The following TANC2 variants were observed in gnomAD, a reference collection of about 807,000 sequenced individuals.
TANC2 encodes the protein protein TANC2.
A neutral mutation model predicts 210.5 loss-of-function variants in TANC2; 26 were observed. The ratio of observed to expected loss-of-function variants is 0.12; its 90% CI spans 0.09 to 0.17. The LOEUF (loss-of-function observed/expected upper bound fraction) is 0.17. Ranked by LOEUF, TANC2 falls within the 10% of genes least tolerant of loss-of-function variation. TANC2 has a pLI of 1.00. For synonymous variants in TANC2, 931 were observed against 967.1 expected, an observed-to-expected ratio of 0.96 and a Z score of 0.69; for missense variants, 2,129 against 2,608.9, an observed-to-expected ratio of 0.82 and a Z score of 4.01.
chr17:63,305,532 T>C (rs2044873499), intron 9 of TANC2: 1 of 152,330 alleles, frequency 6.6e-6, no homozygotes, highest in South Asian at 2.1e-4. Context: ...CCCGCTATGA[T>C]TTCCCTTTTT....
rs1035567019 is a variant in TANC2 at position 63,418,638 on chromosome 17, A to G, written c.4268+231A>G. 1.3e-5 allele frequency among the ~76,000 whole-genome samples: 2 copies of G among 152,234 alleles called. No individual in the cohort carries two copies. The highest frequency in any genetic ancestry group is 2.9e-5 in the Non-Finnish European group (2 of 68,044). On this transcript the variant is annotated intron_variant, in intron 27 of 27. Coordinates refer to ENST00000689528, the Ensembl canonical transcript of TANC2. The surrounding 1 kb of genome is among the most constrained non-coding windows in gnomAD (Gnocchi z 4.6). The stretch of plus-strand genomic sequence containing the variant: ...CACTTCGGGAGAAAAACACTTTTTC[A>G]CTGGAGAATGGCAGCTTCTTCCAAG...
At chr17:63,025,884 G>C (rs1176655883) in intron 2 of TANC2, among the ~76,000 whole-genome samples, 3 of 150,458 alleles carry the variant, frequency 2.0e-5, no homozygotes, top group Non-Finnish European at 4.4e-5. Context: ...ACATGAGTTG[G>C]TTAGGTACCT....
At chr17:63,288,460 C>T (rs1284173107) in intron 9 of TANC2, among the ~76,000 whole-genome samples, 1 of 152,184 alleles carries the variant, frequency 6.6e-6, no homozygotes, top group African/African-American at 2.4e-5. Flanking sequence ...TTGGTAAATA[C>T]TCCGTGTGAA....
At chr17:63,378,281 G>A (rs78829760) in intron 14 of TANC2, among the ~76,000 whole-genome samples, 2,965 of 152,012 alleles carry the variant, frequency 0.02, 87 homozygotes, top group African/African-American at 0.066. Flanking sequence ...AAGTAATTCA[G>A]ATTTCTTTCG....
intron 8 of TANC2, among the ~76,000 whole-genome samples, chr17:63,248,695 T>A (rs1341176980): frequency 6.6e-6 from 1 of 152,108 alleles, no homozygotes. Context: ...TTTAGGGGAT[T>A]ATTTAAAATC....
chr17:63,225,328 C>A (rs772303388), intron 7 of TANC2, among the ~76,000 whole-genome samples: 5 of 152,232 alleles, frequency 3.3e-5, no homozygotes, highest in African/African-American at 1.2e-4. Flanking sequence ...CTTTCTTAGA[C>A]TCCTTTGCAG....
chr17:63,220,629 G>A (rs554847290), intron 7 of TANC2, among the ~76,000 whole-genome samples: 22 of 149,098 alleles, frequency 1.5e-4, no homozygotes, highest in East Asian at 4.0e-4. Context: ...GCTTCAACCC[G>A]TGAGGCGGAG....
intron 3 of TANC2, among the ~76,000 whole-genome samples, chr17:63,093,464 C>T (rs1056871377): frequency 6.6e-6 from 1 of 151,998 alleles, no homozygotes; most frequent in African/African-American, 2.4e-5. Flanking sequence ...CTGTTTCATT[C>T]ATTTTGTGTC....
intron 2 of TANC2, among the ~76,000 whole-genome samples, chr17:63,023,273 C>A (rs1428506766): frequency 6.6e-6 from 1 of 152,210 alleles, no homozygotes; most frequent in Non-Finnish European, 1.5e-5. Context: ...TGCCTGAGGC[C>A]TTGGGAGCTC....
chr17:63,013,484 A>G (rs2033965561), intron 2 of TANC2, among the ~76,000 whole-genome samples: 1 of 151,984 alleles, frequency 6.6e-6, no homozygotes, highest in Non-Finnish European at 1.5e-5. Flanking sequence ...ATTCTGGCCA[A>G]GTGTGGCAGT....
intron 4 of TANC2, among the ~76,000 whole-genome samples, chr17:63,142,945 G>A (rs920067748): frequency 4.6e-5 from 7 of 152,056 alleles, no homozygotes; most frequent in Non-Finnish European, 1.0e-4. Flanking sequence ...GCTTTCTCCT[G>A]TTTGTATCAT....
At chr17:63,036,694 G>A (rs2034986038) in intron 2 of TANC2, among the ~76,000 whole-genome samples, 1 of 152,124 alleles carries the variant, frequency 6.6e-6, no homozygotes, top group Non-Finnish European at 1.5e-5. Context: ...GATCAACTGG[G>A]ATAGAACATT....
chr17:63,365,231 C>T (rs1476636046), intron 14 of TANC2, among the ~76,000 whole-genome samples: 3 of 152,134 alleles, frequency 2.0e-5, no homozygotes, highest in Non-Finnish European at 2.9e-5. Flanking sequence ...CTTTCAAAAG[C>T]GGGTAGATCT....
chr17:63,122,872 GAAAGTAA>G lies in TANC2; in HGVS notation c.322+23518_322+23524del, dbSNP rs143877164. On this transcript the variant is annotated intron_variant, in intron 4 of 27. Transcript: ENST00000689528. ...AAAATATTGTTTATTATGTAGACTA[GAAAGTAA>G]AATGGTAAAGTGACTTAAGTAAAAT... Among the ~76,000 whole-genome samples, 553 of 152,288 alleles carry G rather than the reference GAAAGTAA, an allele frequency of 3.6e-3. 5 individuals are homozygous for G. The highest frequency in any genetic ancestry group is 0.013 in the African/African-American group (542 of 41,558).
intron 1 of TANC2, among the ~76,000 whole-genome samples, chr17:62,977,737 A>G (rs1290840330): frequency 6.6e-6 from 1 of 152,102 alleles, no homozygotes; most frequent in Non-Finnish European, 1.5e-5. Flanking sequence ...CCACTAAAAT[A>G]AACAAACTCT....
At chr17:63,137,578 C>T (rs1262855367) in intron 4 of TANC2, among the ~76,000 whole-genome samples, 1 of 152,174 alleles carries the variant, frequency 6.6e-6, no homozygotes, top group African/African-American at 2.4e-5. Context: ...GAAAGCCTCT[C>T]TGTGTTTCTC....
chr17:63,241,691 C>G (rs748725025), intron 8 of TANC2, among the ~76,000 whole-genome samples: 3 of 152,132 alleles, frequency 2.0e-5, no homozygotes. Context: ...AGTCACCCCT[C>G]GGCGATGCAT....
At chr17:63,121,539 CCT>C (rs1322176122) in intron 4 of TANC2, among the ~76,000 whole-genome samples, 2 of 151,936 alleles carry the variant, frequency 1.3e-5, no homozygotes, top group Non-Finnish European at 2.9e-5. Context: ...TGGGATGTAG[CCT>C]GAAGTGGTAC....
intron 8 of TANC2, among the ~76,000 whole-genome samples, chr17:63,239,343 C>T (rs182309635): frequency 6.6e-6 from 1 of 152,208 alleles, no homozygotes; most frequent in Admixed American, 6.5e-5. Context: ...AATATGTCAT[C>T]ATCTGGACTT....
Sources: gnomAD v4.1 joint callset for allele counts (sites outside exome capture counted in the v4.1 genomes callset) on GRCh38, gnomAD v4.1.1 for gene constraint, Gnocchi (gnomAD v3.1) non-coding constraint, MANE v1.5 for transcripts, NCBI Gene and HGNC (gene_info 2026-07-23, HGNC 2026-07-21) for gene names.